SORBS2: variants seen among roughly 807,000 people sequenced by gnomAD.
SORBS2 encodes sorbin and SH3 domain-containing protein 2.
In SORBS2, 46 loss-of-function variants were observed where a neutral mutation model predicts 97.7. The observed-to-expected ratio is 0.47, with a 90% confidence interval of 0.37 to 0.60. The LOEUF (loss-of-function observed/expected upper bound fraction) is 0.60, where lower values mean the gene tolerates loss of function less well. Ranked by LOEUF, SORBS2 falls within the 20% of genes least tolerant of loss-of-function variation. The pLI, the probability that SORBS2 is intolerant of heterozygous loss-of-function variation, is 0.00. For missense variants in SORBS2, 1,316 were observed against 1,282.3 expected, an observed-to-expected ratio of 1.03 and a Z score of -0.40; for synonymous variants, 476 against 473.4, an observed-to-expected ratio of 1.01 and a Z score of -0.07.
At chr4:185,622,867 G>T in intron 7 of SORBS2, 47 bp downstream of exon 19, 5 of 1,509,610 alleles carry the variant, frequency 3.3e-6, no homozygotes, top group Non-Finnish European at 4.5e-6. Flanking sequence ...AAGAGCTGGA[G>T]GGTGGGTCTC....
intron 2 of SORBS2, among the ~76,000 whole-genome samples, chr4:185,715,325 C>T (rs780928065): frequency 1.3e-5 from 2 of 152,034 alleles, no homozygotes; most frequent in Non-Finnish European, 2.9e-5. Context: ...ATTTAGTCTC[C>T]AGCAATTTAT....
intron 1 of SORBS2, among the ~76,000 whole-genome samples, chr4:185,653,328 A>G (rs571128224): frequency 6.6e-6 from 1 of 152,262 alleles, no homozygotes; most frequent in African/African-American, 2.4e-5. Flanking sequence ...CAGAGTGTAT[A>G]CAACATTTGC....
chr4:185,633,040 T>C (rs1485180030), intron 4 of SORBS2, among the ~76,000 whole-genome samples: 2 of 152,220 alleles, frequency 1.3e-5, no homozygotes, highest in East Asian at 3.8e-4. Flanking sequence ...ACTATTTACA[T>C]ATTACCATTA....
At chr4:185,859,051 C>T (rs1447868199) in intron 1 of SORBS2, among the ~76,000 whole-genome samples, 2 of 151,900 alleles carry the variant, frequency 1.3e-5, no homozygotes, top group Admixed American at 6.6e-5. Context: ...AAAGGCTAGT[C>T]GAAAACAAGC....
In SORBS2 at chr4:185,674,085, G is replaced by A. The variant is rs556451063; in HGVS notation, c.-46+4338C>T. 5.9e-5 allele frequency among the ~76,000 whole-genome samples: 9 copies of A among 152,184 alleles called. No homozygotes were observed. In the South Asian group the frequency reaches 1.0e-3, roughly 18 times the overall value. ...CTGTCTCATGGCCACAAAACCCATC[G>A]ACTAGCCAATGGCTGATACCTCCAA... On this transcript the variant is annotated intron_variant, in intron 4 of 20. Coordinates refer to the SORBS2 transcript ENST00000284776.
intron 2 of SORBS2, among the ~76,000 whole-genome samples, chr4:185,757,895 C>G (rs1254312502): frequency 6.6e-6 from 1 of 152,188 alleles, no homozygotes; most frequent in Non-Finnish European, 1.5e-5. Flanking sequence ...CTATTTTACT[C>G]ATATTTTTGG....
intron 2 of SORBS2, among the ~76,000 whole-genome samples, chr4:185,758,477 C>T (rs145336372): frequency 2.0e-5 from 3 of 152,124 alleles, no homozygotes; most frequent in Non-Finnish European, 2.9e-5. Context: ...AGGTTTTTAG[C>T]CTTGAAGTTT....
intron 9 of SORBS2, among the ~76,000 whole-genome samples, chr4:185,616,337 T>G (rs1345037372): frequency 2.0e-5 from 3 of 152,232 alleles, no homozygotes; most frequent in African/African-American, 7.2e-5. Context: ...GCTAAAATCT[T>G]CACAATTGAA....
intron 1 of SORBS2, among the ~76,000 whole-genome samples, chr4:185,785,625 C>T (rs1046027948): frequency 2.0e-5 from 3 of 152,214 alleles, no homozygotes; most frequent in Non-Finnish European, 2.9e-5. Context: ...CTTCAGTTCT[C>T]TTACCCACCA....
At chr4:185,793,569 TTATC>T (rs1477123459) in intron 1 of SORBS2, among the ~76,000 whole-genome samples, 1 of 152,196 alleles carries the variant, frequency 6.6e-6, no homozygotes, top group Non-Finnish European at 1.5e-5. Context: ...TTTTATTTAT[TTATC>T]TATTATGGAA....
At chr4:185,908,656 A>G (rs1165121736) in intron 1 of SORBS2, among the ~76,000 whole-genome samples, 3 of 151,866 alleles carry the variant, frequency 2.0e-5, no homozygotes, top group African/African-American at 7.2e-5. Flanking sequence ...GACCTCTGAA[A>G]TGAATGAGTC....
At chr4:185,834,083 G>A (rs1357140481) in intron 1 of SORBS2, among the ~76,000 whole-genome samples, 2 of 152,156 alleles carry the variant, frequency 1.3e-5, no homozygotes, top group Non-Finnish European at 2.9e-5. Context: ...TGCTTCATAA[G>A]TAAACACAAA....
At chr4:185,948,119 A>G (rs2099275430) in intron 1 of SORBS2, among the ~76,000 whole-genome samples, 1 of 152,086 alleles carries the variant, frequency 6.6e-6, no homozygotes, top group African/African-American at 2.4e-5. Context: ...TTCTTAGTGC[A>G]TCCTAGACTC....
At chr4:185,664,543 G>T (rs1463369392) in intron 4 of SORBS2, among the ~76,000 whole-genome samples, 1 of 152,216 alleles carries the variant, frequency 6.6e-6, no homozygotes, top group Non-Finnish European at 1.5e-5. Flanking sequence ...GGTGCCCGTA[G>T]TTGGGCTGGT....
chr4:185,764,279 A>C (rs2098921475), intron 2 of SORBS2, among the ~76,000 whole-genome samples: 2 of 152,186 alleles, frequency 1.3e-5, no homozygotes. Flanking sequence ...CAACCTGTTG[A>C]CCCAAAACCA....
At chr4:185,765,808 C>T (rs2098931314) in intron 2 of SORBS2, among the ~76,000 whole-genome samples, 1 of 152,150 alleles carries the variant, frequency 6.6e-6, no homozygotes, top group African/African-American at 2.4e-5. Context: ...TAAAAGTCTA[C>T]CTCTGAATTT....
chr4:185,641,352 A>T (rs1312658245), intron 4 of SORBS2, among the ~76,000 whole-genome samples: 1 of 152,220 alleles, frequency 6.6e-6, no homozygotes, highest in Non-Finnish European at 1.5e-5. Flanking sequence ...TGAAAGGCAC[A>T]TGTTTGAGCA....
chr4:185,773,023 C>G (rs1056781666), intron 2 of SORBS2: 4 of 148,976 alleles, frequency 2.7e-5, no homozygotes, highest in African/African-American at 7.5e-5. Context: ...AAAGTTTCAA[C>G]GTAAAATTCA....
intron 5 of SORBS2, among the ~76,000 whole-genome samples, chr4:185,628,417 T>G (rs1337207658): frequency 1.3e-5 from 2 of 152,064 alleles, no homozygotes; most frequent in Non-Finnish European, 2.9e-5. Flanking sequence ...TCATCTTAGC[T>G]TTAGAAGATG....
Sources: allele counts gnomAD v4.1 joint callset (sites outside exome capture counted in the v4.1 genomes callset), GRCh38; gene constraint gnomAD v4.1.1; transcripts MANE v1.5; gene names NCBI Gene and HGNC (gene_info 2026-07-23, HGNC 2026-07-21).